TMCO1: variants seen among roughly 807,000 people sequenced by gnomAD.
The protein encoded by TMCO1 is transmembrane and coiled-coil domains 1, also known as calcium load-activated calcium channel.
A neutral mutation model predicts 29.3 loss-of-function variants in TMCO1; 29 were observed. The ratio of observed to expected loss-of-function variants is 0.99; its 90% CI spans 0.74 to 1.35. The LOEUF (loss-of-function observed/expected upper bound fraction) is 1.35. Among genes scored for constraint, TMCO1 ranks in the 40% most tolerant of loss-of-function variants. The pLI, the probability that TMCO1 is intolerant of heterozygous loss-of-function variation, is 0.00. For synonymous variants in TMCO1, 80 were observed against 77.1 expected (o/e 1.04, Z -0.20); for missense variants, 173 against 225.5 (o/e 0.77, Z 1.49).
chr1:165,746,452 A>AACACACACACAC (rs1651800021), intron 5 of TMCO1, among the ~76,000 whole-genome samples: 1 of 61,630 alleles, frequency 1.6e-5, no homozygotes, highest in Non-Finnish European at 3.1e-5. Flanking sequence ...GAAGACCTAT[A>AACACACACACAC]TCACACACAC....
intron 6 of TMCO1, among the ~76,000 whole-genome samples, chr1:165,730,481 A>C (rs545641302): frequency 6.6e-6 from 1 of 152,374 alleles, no homozygotes; most frequent in East Asian, 1.9e-4. Flanking sequence ...CAGTACATAC[A>C]TTCAACAATA....
chr1:165,766,932 A>G (rs1322037912), intron 2 of TMCO1, among the ~76,000 whole-genome samples: 1 of 152,190 alleles, frequency 6.6e-6, no homozygotes, highest in Non-Finnish European at 1.5e-5. Flanking sequence ...TCCTGGAAGA[A>G]TATCACGTTT....
intron 6 of TMCO1, among the ~76,000 whole-genome samples, chr1:165,741,852 T>A (rs4537525): frequency 6.6e-6 from 1 of 152,096 alleles, no homozygotes; most frequent in Non-Finnish European, 1.5e-5. Context: ...TTCCTACTCT[T>A]GCCATGTGAC....
At chr1:165,743,054 C>G in intron 6 of TMCO1, 113 bp downstream of exon 6, 1 of 1,328,500 alleles carries the variant, frequency 7.5e-7, no homozygotes, top group Non-Finnish European at 1.1e-6. Context: ...AAATGAGCAA[C>G]TGAAAGAACT....
intron 2 of TMCO1, 142 bp downstream of exon 2, chr1:165,768,050 T>C: frequency 8.1e-6 from 6 of 743,672 alleles, no homozygotes; most frequent in Admixed American, 6.1e-5. Flanking sequence ...TTACACATTT[T>C]GCATAAAAGT....
intron 2 of TMCO1, among the ~76,000 whole-genome samples, chr1:165,763,175 A>C (rs1033673361): frequency 6.6e-6 from 1 of 152,176 alleles, no homozygotes; most frequent in Non-Finnish European, 1.5e-5. Context: ...AAAACCCTAC[A>C]AACTTCCCTT....
chr1:165,765,447 C>T (rs1305308082), intron 2 of TMCO1, among the ~76,000 whole-genome samples: 1 of 152,194 alleles, frequency 6.6e-6, no homozygotes, highest in African/African-American at 2.4e-5. Flanking sequence ...CCACGCCCAG[C>T]TAATTTTTGT....
intron 5 of TMCO1, 77 bp downstream of exon 5, chr1:165,752,025 C>G: frequency 8.6e-7 from 1 of 1,167,548 alleles, no homozygotes. Context: ...AAATATTTTA[C>G]CCAAAAAGTT....
At chr1:165,760,581 A>C (rs1652365553) in intron 2 of TMCO1, among the ~76,000 whole-genome samples, 1 of 152,150 alleles carries the variant, frequency 6.6e-6, no homozygotes, top group Non-Finnish European at 1.5e-5. Context: ...AGGTGGGCAG[A>C]TCATGAGGTC....
At chr1:165,749,500 T>TTTAA (rs1475205332) in intron 5 of TMCO1, among the ~76,000 whole-genome samples, 1 of 152,146 alleles carries the variant, frequency 6.6e-6, no homozygotes, top group Non-Finnish European at 1.5e-5. Context: ...GAAACAAATA[T>TTTAA]TTAAATATAA....
intron 2 of TMCO1, among the ~76,000 whole-genome samples, chr1:165,762,866 T>C (rs1343634548): frequency 6.6e-6 from 1 of 152,232 alleles, no homozygotes; most frequent in East Asian, 1.9e-4. Flanking sequence ...TCAAGTTATA[T>C]ATACTGTATT....
Position 165,743,036 on chromosome 1 carries a change from A to G in TMCO1, c.468+131T>C, listed in dbSNP as rs1420856928. On this transcript the variant is annotated intron_variant, in intron 6 of 6. Coordinates refer to ENST00000367881, the MANE Select transcript of TMCO1 (RefSeq NM_019026.6). ...AAAATGGCTTTTGGAAGATACACTG[A>G]AATTCTAAAATGAGCAACTGAAAGA... is the stretch of plus-strand genomic sequence containing the variant. 6 of 1,134,174 alleles carry G rather than the reference A, an allele frequency of 5.3e-6. No individual in the cohort carries two copies. The East Asian group carries it at 1.5e-4, about 28-fold the overall frequency. The allele number at this position is 1,134,174 out of a possible 1,614,324, so 70.3% of individuals were successfully genotyped here.
intron 6 of TMCO1, among the ~76,000 whole-genome samples, chr1:165,734,739 G>A (rs368043845): frequency 8.7e-4 from 133 of 152,194 alleles, no homozygotes; most frequent in African/African-American, 3.0e-3. Flanking sequence ...TTCTGACCTC[G>A]TGATCCACCT....
intron 2 of TMCO1, among the ~76,000 whole-genome samples, chr1:165,761,667 T>C (rs1008108516): frequency 1.3e-5 from 2 of 152,170 alleles, no homozygotes; most frequent in Middle Eastern, 3.4e-3. Context: ...TAACATTTTA[T>C]GTCGGGTGCA....
At chr1:165,747,599 G>A (rs924930810) in intron 5 of TMCO1, among the ~76,000 whole-genome samples, 13 of 152,186 alleles carry the variant, frequency 8.5e-5, no homozygotes, top group East Asian at 1.9e-4. Flanking sequence ...AACAGAGTAC[G>A]TAGTAGGCAA....
intron 3 of TMCO1, among the ~76,000 whole-genome samples, chr1:165,757,685 A>T (rs1652250205): frequency 6.6e-6 from 1 of 152,142 alleles, no homozygotes; most frequent in African/African-American, 2.4e-5. Flanking sequence ...TTTAGTAGAG[A>T]CGGGGTTTCG....
At chr1:165,752,315 C>T (rs1465537844) in intron 4 of TMCO1, 146 bp from the exon 5 acceptor site, 14 of 649,262 alleles carry the variant, frequency 2.2e-5, no homozygotes, top group East Asian at 1.2e-4. Flanking sequence ...AGTACAGTGG[C>T]GCAATCTCGG....
chr1:165,752,209 A>T (rs1196195689), intron 4 of TMCO1, 40 bp from the exon 5 acceptor site: 2 of 1,536,076 alleles, frequency 1.3e-6, no homozygotes, highest in Admixed American at 3.4e-5. Context: ...ACACTAAAAA[A>T]AAACACATCT....
chr1:165,732,501 CTCTCTA>C (rs752420816), intron 6 of TMCO1, among the ~76,000 whole-genome samples: 8,793 of 137,984 alleles, frequency 0.064, 278 homozygotes, highest in African/African-American at 0.095. Context: ...CTCTCTCTCT[CTCTCTA>C]TATATATATA....
Sources: allele counts gnomAD v4.1 joint callset (sites outside exome capture counted in the v4.1 genomes callset), GRCh38; gene constraint gnomAD v4.1.1; transcripts MANE v1.5; gene names NCBI Gene and HGNC (gene_info 2026-07-23, HGNC 2026-07-21).